The following ADGRL4 variants were observed in gnomAD, a reference collection of about 807,000 sequenced individuals.
ADGRL4 encodes the protein adhesion G protein-coupled receptor L4, also known as EGF, latrophilin and seven transmembrane domain containing 1.
In ADGRL4, 90 loss-of-function variants were observed where a neutral mutation model predicts 74.8. The ratio of observed to expected loss-of-function variants is 1.20; its 90% confidence interval spans 1.02 to 1.43. The LOEUF (loss-of-function observed/expected upper bound fraction) is 1.43. Ranked by LOEUF, ADGRL4 falls within the 40% of genes most tolerant of loss-of-function variation. The pLI is 0.00. For missense variants in ADGRL4, 881 were observed against 814.3 expected, an observed-to-expected ratio of 1.08 and a Z score of -1.00; for synonymous variants, 311 against 279.2, an observed-to-expected ratio of 1.11 and a Z score of -1.14.
intron 12 of ADGRL4, among the ~76,000 whole-genome samples, chr1:78,917,309 T>C (rs1186927154): frequency 2.6e-5 from 4 of 151,808 alleles, no homozygotes; most frequent in African/African-American, 4.8e-5. Flanking sequence ...CTCTATGTTA[T>C]GCAGACATCT....
At chr1:78,985,621 G>C (rs1294406929) in intron 2 of ADGRL4, among the ~76,000 whole-genome samples, 1 of 151,704 alleles carries the variant, frequency 6.6e-6, no homozygotes, top group Non-Finnish European at 1.5e-5. Context: ...CAGAAAACCA[G>C]GGACAAAAAT....
At chr1:78,925,903 C>T (rs1167109471) in intron 8 of ADGRL4, among the ~76,000 whole-genome samples, 1 of 152,080 alleles carries the variant, frequency 6.6e-6, no homozygotes, top group South Asian at 2.1e-4. Context: ...GTATTAAAAA[C>T]GTCTTTTGCA....
chr1:78,945,899 A>T (rs939213566), intron 3 of ADGRL4, among the ~76,000 whole-genome samples: 2 of 152,158 alleles, frequency 1.3e-5, no homozygotes, highest in African/African-American at 4.8e-5. Context: ...ATATTTACAA[A>T]GGCCTCAGTA....
At chr1:78,891,838 A>G (rs916506230) in intron 13 of ADGRL4, 146 bp from the exon 14 acceptor site, 1 of 638,836 alleles carries the variant, frequency 1.6e-6, no homozygotes, top group African/African-American at 1.9e-5. Context: ...CAAACTGCTA[A>G]GTTGTGCTGC....
intron 2 of ADGRL4, among the ~76,000 whole-genome samples, chr1:78,953,390 A>G (rs1055465224): frequency 2.6e-5 from 4 of 152,200 alleles, no homozygotes; most frequent in Non-Finnish European, 5.9e-5. Flanking sequence ...AATCATTGGT[A>G]GAAAAATCTT....
chr1:78,962,038 A>G (rs77816934), intron 2 of ADGRL4, among the ~76,000 whole-genome samples: 2,283 of 152,020 alleles, frequency 0.015, 60 homozygotes, highest in African/African-American at 0.053. Context: ...GCGCCATCAC[A>G]CCTGGCTAAT....
In ADGRL4 at chr1:78,979,600, CAT is replaced by C. The variant is rs550817299; in HGVS notation, c.172+25468_172+25469del. 8.2e-4 allele frequency among the ~76,000 whole-genome samples: 125 copies of C among 152,050 alleles called. 1 individual carries two copies. Among genetic ancestry groups the C allele is most frequent in the African/African-American group, 2.9e-3 (119 of 41,496 alleles). ...AATATGAAAAAGACACACGCACACACATGTTTATCACAACACAATTTGAAATT... is the reference window on the plus strand; with the variant it reads ...AATATGAAAAAGACACACGCACACACGTTTATCACAACACAATTTGAAATT... On this transcript the variant is annotated intron_variant, in intron 2 of 14. Transcript: ENST00000370742.
intron 2 of ADGRL4, among the ~76,000 whole-genome samples, chr1:78,991,643 T>G (rs1368778158): frequency 1.3e-5 from 2 of 151,954 alleles, no homozygotes; most frequent in Non-Finnish European, 2.9e-5. Flanking sequence ...TGTGAAAATA[T>G]AATATAGTAT....
At chr1:78,994,648 A>G (rs979102563) in intron 2 of ADGRL4, among the ~76,000 whole-genome samples, 5 of 152,208 alleles carry the variant, frequency 3.3e-5, no homozygotes, top group African/African-American at 1.2e-4. Context: ...AAAAACAAAC[A>G]ATTATTACTG....
At chr1:78,903,164 A>G (rs1648554024) in intron 12 of ADGRL4, among the ~76,000 whole-genome samples, 2 of 152,262 alleles carry the variant, frequency 1.3e-5, no homozygotes, top group South Asian at 4.1e-4. Flanking sequence ...TCTGAAGGCT[A>G]TATTTGTTCC....
chr1:78,896,023 A>G (rs753669606), intron 12 of ADGRL4, among the ~76,000 whole-genome samples: 2 of 152,038 alleles, frequency 1.3e-5, no homozygotes, highest in African/African-American at 2.4e-5. Flanking sequence ...AAGGAGGACA[A>G]CACAGAGAAA....
At chr1:79,004,223 C>G (rs981814261) in intron 2 of ADGRL4, among the ~76,000 whole-genome samples, 1 of 152,046 alleles carries the variant, frequency 6.6e-6, no homozygotes, top group Non-Finnish European at 1.5e-5. Flanking sequence ...TTTTAACTTG[C>G]TATTTAATTA....
At chr1:78,985,667 A>G (rs188981554) in intron 2 of ADGRL4, among the ~76,000 whole-genome samples, 1 of 151,908 alleles carries the variant, frequency 6.6e-6, no homozygotes, top group East Asian at 1.9e-4. Context: ...GTCAAAAGAT[A>G]GGGGTAGGAA....
intron 2 of ADGRL4, among the ~76,000 whole-genome samples, chr1:78,969,269 A>G (rs1381091857): frequency 6.6e-6 from 1 of 152,206 alleles, no homozygotes; most frequent in East Asian, 1.9e-4. Context: ...TTGCAACAGG[A>G]CACAACTGTA....
intron 2 of ADGRL4, among the ~76,000 whole-genome samples, chr1:78,999,826 AT>A (rs1471417337): frequency 4.7e-4 from 70 of 150,350 alleles, no homozygotes; most frequent in East Asian, 1.2e-3. Flanking sequence ...CTATCTATCT[AT>A]CTATCTATCT....
At chr1:78,953,903 C>T (rs749135919) in intron 2 of ADGRL4, among the ~76,000 whole-genome samples, 17 of 152,168 alleles carry the variant, frequency 1.1e-4, no homozygotes, top group Non-Finnish European at 1.8e-4. Flanking sequence ...AATCCCTGCA[C>T]GTTGGGAGGC....
In ADGRL4 at chr1:78,962,355, T is replaced by C. The variant is rs534425346; in HGVS notation, c.173-15929A>G. On this transcript the variant is annotated intron_variant, in intron 2 of 14. Transcript: ENST00000370742. The stretch of plus-strand genomic sequence containing the variant: ...GATTTCTCTCTGCAATCTAACTCAA[T>C]AGCTACTAGACATTTCCATTTACCT... Among the ~76,000 whole-genome samples, 7 of 152,280 alleles carry C rather than the reference T, an allele frequency of 4.6e-5. No individual in the cohort carries two copies. The South Asian group carries it at 1.2e-3, about 27-fold the overall frequency.
At chr1:78,912,016 T>C (rs1399722012) in intron 12 of ADGRL4, among the ~76,000 whole-genome samples, 6 of 151,882 alleles carry the variant, frequency 4.0e-5, no homozygotes, top group Non-Finnish European at 2.9e-5. Context: ...ACTAGGCACT[T>C]CTATACTGCA....
In ADGRL4 at chr1:78,955,314, A is replaced by C. The variant is rs573432555; in HGVS notation, c.173-8888T>G. Among the ~76,000 whole-genome samples the C allele has an allele frequency of 3.9e-5, 6 of 152,226 alleles. No individual in the cohort carries two copies. In the East Asian group the frequency reaches 1.2e-3, roughly 29 times the overall value. On this transcript the variant is annotated intron_variant, in intron 2 of 14. Transcript: ENST00000370742. ...TCTTGTAGATTTGCAAGAGGCTTTT[A>C]ACAATTATCAACTATTGCCTCTCAC... is the stretch of plus-strand genomic sequence containing the variant.
Sources: gnomAD v4.1 joint callset for allele counts (sites outside exome capture counted in the v4.1 genomes callset) on GRCh38, gnomAD v4.1.1 for gene constraint, MANE v1.5 for transcripts, NCBI Gene and HGNC (gene_info 2026-07-23, HGNC 2026-07-21) for gene names.